CLCN2: variants seen among roughly 807,000 people sequenced by gnomAD.
The protein encoded by CLCN2 is chloride channel protein 2.
In CLCN2, 72 loss-of-function variants were observed where a neutral mutation model predicts 108.3. That is an observed-to-expected ratio of 0.66 (90% CI 0.55 to 0.81). The LOEUF (loss-of-function observed/expected upper bound fraction) is 0.81. Among genes scored for constraint, CLCN2 ranks in the 30% least tolerant of loss-of-function variants. CLCN2 has a pLI of 0.00. For synonymous variants in CLCN2, 471 were observed against 467.1 expected, an observed-to-expected ratio of 1.01 and a Z score of -0.11; for missense variants, 1,048 against 1,205.2, an observed-to-expected ratio of 0.87 and a Z score of 1.93.
chr3:184,351,968 G>T, intron 22 of CLCN2, 45 bp downstream of exon 22: 1 of 1,398,260 alleles, frequency 7.2e-7, no homozygotes, highest in Non-Finnish European at 1.0e-6. Flanking sequence ...TCCCCACTGT[G>T]TCCTGAGAGC....
rs750800345 is a variant in CLCN2, at chr3:184,357,259, AAT to A, written c.904_905del (p.Ile302TyrfsTer15). ...GGAATCGGGTTTTGAAGAGGGCTGT[AAT>A]AGTCTCTAAAGGGAAGAACAGCAGA... Reference protein sequence around the residue: ...LAVWNRDEETITALFKTRFRL... With the variant: ...LAVWNRDEETXTALFKTRFRL... On this transcript the variant is annotated frameshift_variant, in exon 9 of 24. Coordinates refer to ENST00000265593, the MANE Select transcript of CLCN2 (RefSeq NM_004366.6). LOFTEE classifies it high-confidence loss of function. 6.2e-7 allele frequency: 1 copy of A among 1,613,638 alleles called. No individual in the cohort carries two copies. The highest frequency in any genetic ancestry group is 8.5e-7 in the Non-Finnish European group (1 of 1,179,920).
intron 19 of CLCN2, 65 bp downstream of exon 19, chr3:184,352,672 G>A (rs535218845): frequency 1.2e-4 from 190 of 1,550,794 alleles, no homozygotes; most frequent in Non-Finnish European, 1.7e-4. Context: ...TTAATGACGT[G>A]GTCTCAGCAT....
At chr3:184,352,210 G>A in intron 21 of CLCN2, 83 bp downstream of exon 21, 2 of 1,602,760 alleles carry the variant, frequency 1.2e-6, no homozygotes, top group South Asian at 1.1e-5. Context: ...CAACCCCGTG[G>A]TCCCTCCCAT....
chr3:184,357,512 C>A, intron 7 of CLCN2, 25 bp from the exon 8 acceptor site: 1 of 1,614,156 alleles, frequency 6.2e-7, no homozygotes, highest in Non-Finnish European at 8.5e-7. Flanking sequence ...GAGACCAGCA[C>A]TTGAGGCCTG....
chr3:184,358,117 G>A (rs986946326), intron 4 of CLCN2, 22 bp from the exon 5 acceptor site: 6 of 1,614,072 alleles, frequency 3.7e-6, no homozygotes, highest in Non-Finnish European at 5.1e-6. Context: ...ACAGTCTCAG[G>A]AGAGGCATTC....
In CLCN2 at chr3:184,355,702, C is replaced by G. The variant is rs1355797660; in HGVS notation, c.1162G>C (p.Ala388Pro). 1.2e-6 allele frequency: 2 copies of G among 1,614,058 alleles called. No individual in the cohort carries two copies. The highest frequency in any genetic ancestry group is 1.3e-5 in the African/African-American group (1 of 74,914). Residue 388 changes from alanine to proline, a missense_variant, in exon 11 of 24, where the codon GCT (alanine) becomes CCT (proline). Transcript: ENST00000265593. The surrounding 1 kb of genome is among the most constrained non-coding windows in gnomAD (Gnocchi z 6.3). Reference protein sequence around the residue: ...TFPPGFGQFMAGQLSQKETLV... With the variant: ...TFPPGFGQFMPGQLSQKETLV... ...GTTCTGCCTGTGGTTACCTGTCCAG[C>G]CATGAACTGTCCAAAGCCAGGGGGG...
rs1186144028 is a variant in CLCN2, at chr3:184,353,495, A to C, written c.1856-73T>G. 6 of 1,549,044 alleles carry C rather than the reference A, an allele frequency of 3.9e-6. No homozygotes were observed. The Admixed American group carries it at 9.7e-5, about 25-fold the overall frequency. On this transcript the variant is annotated intron_variant, in intron 16 of 23. Transcript: ENST00000265593. Reference sequence around the variant, plus strand: ...AGCCCCGTCCTTCTCTCACACTCAGAGTGGGGGGCCTTGCATGCAGGCCAC... The same window carrying C: ...AGCCCCGTCCTTCTCTCACACTCAGCGTGGGGGGCCTTGCATGCAGGCCAC...
Position 184,355,667 on chromosome 3 carries a change from C to T in CLCN2, c.1170+27G>A. On this transcript the variant is annotated intron_variant, in intron 11 of 23. Coordinates refer to ENST00000265593, the MANE Select transcript of CLCN2 (RefSeq NM_004366.6). The surrounding 1 kb of genome is among the most constrained non-coding windows in gnomAD (Gnocchi z 6.3). ...GAGGAATGCCTTCCAAGGGAAAGCA[C>T]AAAACTCCTGTTCTGCCTGTGGTTA... 1 of 1,612,978 alleles carries T rather than the reference C, an allele frequency of 6.2e-7. No individual in the cohort carries two copies. The highest frequency in any genetic ancestry group is 1.7e-5 in the Admixed American group (1 of 59,998).
chr3:184,357,656 C>G lies in CLCN2; in HGVS notation c.736G>C (p.Val246Leu). The change falls in exon 7 of 24, where the codon GTG (valine) becomes CTG (leucine). Residue 246 changes from valine (V) to leucine (L), a missense_variant. By Grantham distance (32) the Val-to-Leu change is conservative. Coordinates refer to ENST00000265593, the MANE Select transcript of CLCN2 (RefSeq NM_004366.6). The stretch of plus-strand genomic sequence containing the variant: ...GCCGCGAAGCAGCAGCCCACCCCCA[C>G]GGCACAGGCGGCAGCCAGCATCTCT... ...NTEMLAAACA[V>L]GVGCCFAAPI... 6.2e-7 allele frequency: 1 copy of G among 1,613,958 alleles called. No homozygotes were observed. Among genetic ancestry groups the G allele is most frequent in the Non-Finnish European group, 8.5e-7 (1 of 1,180,030 alleles).
At chr3:184,349,728 TC>T (rs201188680) in intron 22 of CLCN2, among the ~76,000 whole-genome samples, 2,348 of 152,308 alleles carry the variant, frequency 0.015, 25 homozygotes, top group Non-Finnish European at 0.023. Flanking sequence ...TGAGGTGTGA[TC>T]CCCATTTTAC....
intron 3 of CLCN2, 88 bp from the exon 4 acceptor site, chr3:184,358,398 AG>A: frequency 6.3e-7 from 1 of 1,577,012 alleles, no homozygotes; most frequent in East Asian, 2.2e-5. Context: ...AGGCTGTCCC[AG>A]GGAGTACCAC....
Position 184,357,229 on chromosome 3 carries a change from G to A in CLCN2, c.936C>T (p.Leu312=), listed in dbSNP as rs41266267. Reference sequence around the variant, plus strand: ...GCTCCTGCAGGTCAAAGGGGAAGTCGAGCCGGAATCGGGTTTTGAAGAGGG... The same window carrying A: ...GCTCCTGCAGGTCAAAGGGGAAGTCAAGCCGGAATCGGGTTTTGAAGAGGG... The part of the protein sequence containing the change: ...ITALFKTRFR[L]DFPFDLQELP... Residue 312 remains leucine (L), a synonymous_variant, in exon 9 of 24, where the codon CTC becomes CTT. Coordinates refer to ENST00000265593, the MANE Select transcript of CLCN2 (RefSeq NM_004366.6). 6.2e-6 allele frequency: 10 copies of A among 1,613,860 alleles called. No homozygotes were observed. The highest frequency in any genetic ancestry group is 3.3e-5 in the Admixed American group (2 of 60,002).
chr3:184,357,913 C>T (rs751455279), intron 5 of CLCN2, 49 bp downstream of exon 5: 6 of 1,613,552 alleles, frequency 3.7e-6, no homozygotes, highest in Admixed American at 1.7e-5. Context: ...CTTGGCCTGG[C>T]CTCCTCTTCC....
chr3:184,358,929 C>T, intron 2 of CLCN2, 46 bp downstream of exon 2: 1 of 1,613,568 alleles, frequency 6.2e-7, no homozygotes, highest in Non-Finnish European at 8.5e-7. Flanking sequence ...CTCTGCTTCC[C>T]TCAGCACAGC....
At chr3:184,351,222 C>A (rs1367128936) in intron 22 of CLCN2, among the ~76,000 whole-genome samples, 1 of 152,094 alleles carries the variant, frequency 6.6e-6, no homozygotes, top group African/African-American at 2.4e-5. Context: ...CTTATCCCCT[C>A]CCCCAAACCC....
Position 184,355,662 on chromosome 3 carries a change from A to G in CLCN2, c.1170+32T>C. 1 of 1,612,002 alleles carries G rather than the reference A, an allele frequency of 6.2e-7. No individual in the cohort carries two copies. The highest frequency in any genetic ancestry group is 8.5e-7 in the Non-Finnish European group (1 of 1,178,066). On this transcript the variant is annotated intron_variant, in intron 11 of 23. Transcript: ENST00000265593. This position sits in a 1 kb window ranked among gnomAD's most constrained non-coding sequence, Gnocchi z 6.3. ...CTTTGGAGGAATGCCTTCCAAGGGAAAGCACAAAACTCCTGTTCTGCCTGT... is the reference window on the plus strand; with the variant it reads ...CTTTGGAGGAATGCCTTCCAAGGGAGAGCACAAAACTCCTGTTCTGCCTGT...
intron 13 of CLCN2, 99 bp downstream of exon 13, chr3:184,354,805 G>T (rs1728417957): frequency 8.3e-6 from 12 of 1,442,012 alleles, no homozygotes; most frequent in Non-Finnish European, 1.2e-5. Context: ...TCGGGCTAGG[G>T]CTGGACCAAA....
chr3:184,356,328 G>C (rs1462595772), intron 10 of CLCN2: 2 of 176,252 alleles, frequency 1.1e-5, no homozygotes, highest in Admixed American at 5.4e-5. Flanking sequence ...CACTGAGAGA[G>C]CTGTGTTCTG....
rs1192278572 is a variant in CLCN2, at chr3:184,358,258, C to A, written c.405G>T (p.Leu135=). The part of the protein sequence containing the change: ...GLNTSILLQY[L]AWVTYPVVLI... ...GGACAACAGGGTAGGTGACCCAGGC[C>A]AGGTACTGGAGCAAGATGCTGGTGT... Residue 135 remains leucine (L), a synonymous_variant, in exon 4 of 24, where the codon CTG becomes CTT. Transcript: ENST00000265593. 6 of 1,614,018 alleles carry A rather than the reference C, an allele frequency of 3.7e-6. No individual in the cohort carries two copies. Among genetic ancestry groups the A allele is most frequent in the Non-Finnish European group, 5.1e-6 (6 of 1,180,042 alleles).
Sources: gnomAD v4.1 joint callset for allele counts (sites outside exome capture counted in the v4.1 genomes callset) on GRCh38, gnomAD v4.1.1 for gene constraint, Gnocchi (gnomAD v3.1) non-coding constraint, MANE v1.5 for transcripts, NCBI Gene and HGNC (gene_info 2026-07-23, HGNC 2026-07-21) for gene names.